Variants in IQGAP2 observed in about 807,000 individuals in gnomAD.
The protein encoded by IQGAP2 is ras GTPase-activating-like protein IQGAP2.
A neutral mutation model predicts 201.3 loss-of-function variants in IQGAP2; 173 were observed. The observed-to-expected ratio is 0.86, with a 90% confidence interval of 0.76 to 0.98. The LOEUF (loss-of-function observed/expected upper bound fraction) is 0.98. Ranked by LOEUF, IQGAP2 falls within the 50% of genes least tolerant of loss-of-function variation. The pLI is 0.00. For missense variants in IQGAP2, 1,687 were observed against 1,864.8 expected, an observed-to-expected ratio of 0.90 and a Z score of 1.76; for synonymous variants, 675 against 673.9, an observed-to-expected ratio of 1.00 and a Z score of -0.03.
intron 2 of IQGAP2, among the ~76,000 whole-genome samples, chr5:76,490,572 A>G (rs1400182640): frequency 1.3e-5 from 2 of 152,214 alleles, no homozygotes; most frequent in African/African-American, 2.4e-5. Flanking sequence ...AGATTCAACA[A>G]TAACTATATA....
chr5:76,659,478 A>G (rs1032022125), intron 21 of IQGAP2, among the ~76,000 whole-genome samples: 1 of 152,206 alleles, frequency 6.6e-6, no homozygotes, highest in Non-Finnish European at 1.5e-5. Flanking sequence ...GAGAACAACT[A>G]TTTGTAAAGT....
chr5:76,515,749 A>G (rs1234664179), intron 2 of IQGAP2, among the ~76,000 whole-genome samples: 1 of 152,174 alleles, frequency 6.6e-6, no homozygotes, highest in Non-Finnish European at 1.5e-5. Flanking sequence ...AGAAAAATAA[A>G]GTAGTTTTTT....
At chr5:76,621,498 T>A (rs1650431363) in intron 13 of IQGAP2, among the ~76,000 whole-genome samples, 1 of 152,208 alleles carries the variant, frequency 6.6e-6, no homozygotes, top group South Asian at 2.1e-4. Context: ...AGAAGTGCCT[T>A]TAAAGATAGG....
At chr5:76,435,143 A>G (rs1417555635) in intron 1 of IQGAP2, among the ~76,000 whole-genome samples, 2 of 150,410 alleles carry the variant, frequency 1.3e-5, no homozygotes, top group East Asian at 3.9e-4. Context: ...ATTTTCTCCC[A>G]TTCTGTGGGT....
intron 2 of IQGAP2, among the ~76,000 whole-genome samples, chr5:76,514,643 G>A (rs1307021104): frequency 1.3e-5 from 2 of 152,276 alleles, no homozygotes; most frequent in African/African-American, 2.4e-5. Context: ...CTGAAATCTC[G>A]TTAGAAGCAG....
rs34917876 is a variant in IQGAP2, at chr5:76,610,114, A to AT, written c.1358-877dup. On this transcript the variant is annotated intron_variant, in intron 12 of 35. Transcript: ENST00000274364. ...TATATATATATATATATATATATAT[A>AT]TTTTTTTTTTTTTTTTTTTTTTTTT... Among the ~76,000 whole-genome samples the AT allele has an allele frequency of 5.1e-4, 5 of 9,888 alleles. 1 individual carries two copies. Among genetic ancestry groups the AT allele is most frequent in the Non-Finnish European group, 4.6e-4 (3 of 6,560 alleles). 6.5% of individuals were successfully genotyped at this position (9,888 alleles called of 152,430 possible). A position where few individuals can be genotyped will look rare whatever the true frequency, so the allele number is the denominator to read the frequency against.
At chr5:76,469,574 T>C (rs1754994196) in intron 2 of IQGAP2, among the ~76,000 whole-genome samples, 1 of 152,020 alleles carries the variant, frequency 6.6e-6, no homozygotes, top group South Asian at 2.1e-4. Flanking sequence ...CTGGCTAATT[T>C]TTATATTGTT....
chr5:76,589,729 G>C lies in IQGAP2; in HGVS notation c.640+1G>C. The C allele has an allele frequency of 6.4e-7, 1 of 1,565,598 alleles. No individual in the cohort carries two copies. Among genetic ancestry groups the C allele is most frequent in the Non-Finnish European group, 8.7e-7 (1 of 1,152,234 alleles). On this transcript the variant is annotated splice_donor_variant, in intron 7 of 35. Transcript: ENST00000274364. LOFTEE classifies it high-confidence loss of function. ...GAACTGTCCGTGGATGAAGCTGCAT[G>C]TAAGTCCATTCAAAATCCAAACTTG... is the stretch of plus-strand genomic sequence containing the variant.
intron 35 of IQGAP2, among the ~76,000 whole-genome samples, chr5:76,703,010 G>A (rs1747548869): frequency 6.9e-6 from 1 of 145,354 alleles, no homozygotes; most frequent in Non-Finnish European, 1.5e-5. Context: ...TTTTTGTGGG[G>A]GGAGGGGGTG....
chr5:76,575,825 A>C, intron 5 of IQGAP2, 56 bp downstream of exon 5: 1 of 1,001,692 alleles, frequency 1.0e-6, no homozygotes, highest in Non-Finnish European at 1.5e-6. Flanking sequence ...AATAAAACTA[A>C]AATTTCAATT....
In IQGAP2 at chr5:76,600,152, AAAT is replaced by A. The variant is rs529730610; in HGVS notation, c.1072-648_1072-646del. Among the ~76,000 whole-genome samples, 49 of 152,298 alleles carry A rather than the reference AAAT, an allele frequency of 3.2e-4. No individual in the cohort carries two copies. In the South Asian group the frequency reaches 6.6e-3, roughly 21 times the overall value. Reference sequence around the variant, plus strand: ...AACAAGAGCCAAACTCCATCTCAAAAAATAATAATAATAAAAATAAAGCAAACC... The same window carrying A: ...AACAAGAGCCAAACTCCATCTCAAAAAATAATAATAAAAATAAAGCAAACC... On this transcript the variant is annotated intron_variant, in intron 10 of 35. Transcript: ENST00000274364.
intron 17 of IQGAP2, among the ~76,000 whole-genome samples, chr5:76,641,733 T>C (rs1165733342): frequency 6.6e-6 from 1 of 152,146 alleles, no homozygotes; most frequent in African/African-American, 2.4e-5. Context: ...CCACACTGGT[T>C]TGTGAAAGGC....
At chr5:76,645,721 TA>T (rs1033675888) in intron 17 of IQGAP2, among the ~76,000 whole-genome samples, 1 of 151,724 alleles carries the variant, frequency 6.6e-6, no homozygotes, top group African/African-American at 2.4e-5. Flanking sequence ...TTTGGAAACG[TA>T]AAAAAACTCA....
chr5:76,665,257 T>C (rs1743649652), intron 22 of IQGAP2, 82 bp downstream of exon 22: 1 of 1,218,008 alleles, frequency 8.2e-7, no homozygotes, highest in South Asian at 1.4e-5. Flanking sequence ...TATTTTGTCA[T>C]GCTTCAGCTA....
At chr5:76,456,973 G>A (rs1235425972) in intron 1 of IQGAP2, among the ~76,000 whole-genome samples, 2 of 152,088 alleles carry the variant, frequency 1.3e-5, no homozygotes, top group Non-Finnish European at 2.9e-5. Flanking sequence ...ATGCTAAATT[G>A]TGGACATATT....
chr5:76,443,966 G>A (rs1753208435), intron 1 of IQGAP2, among the ~76,000 whole-genome samples: 1 of 152,218 alleles, frequency 6.6e-6, no homozygotes, highest in African/African-American at 2.4e-5. Context: ...AAACTTGTGT[G>A]TAAAGTTGGC....
chr5:76,422,847 G>C (rs1751801430), intron 1 of IQGAP2, among the ~76,000 whole-genome samples: 1 of 152,230 alleles, frequency 6.6e-6, no homozygotes, highest in Admixed American at 6.5e-5. Flanking sequence ...GCCAGGTGCT[G>C]TTTTAAGCAC....
intron 13 of IQGAP2, chr5:76,615,626 A>C (rs1748878287): frequency 6.6e-6 from 1 of 151,976 alleles, no homozygotes; most frequent in African/African-American, 2.4e-5. Flanking sequence ...ACTATCATTC[A>C]CTCTTTACCA....
intron 2 of IQGAP2, among the ~76,000 whole-genome samples, chr5:76,550,992 C>A (rs1229903613): frequency 6.6e-6 from 1 of 150,896 alleles, no homozygotes; most frequent in Admixed American, 6.6e-5. Flanking sequence ...GGCTGCCCCC[C>A]ACCTCCCTCC....
Sources: allele counts gnomAD v4.1 joint callset (sites outside exome capture counted in the v4.1 genomes callset), GRCh38; gene constraint gnomAD v4.1.1; transcripts MANE v1.5; gene names NCBI Gene and HGNC (gene_info 2026-07-23, HGNC 2026-07-21).